WDR7: variants seen among roughly 807,000 people sequenced by gnomAD.
The protein encoded by WDR7 is WD repeat-containing protein 7.
WDR7 carries 46 observed loss-of-function variants against 169.4 expected under a neutral mutation model. The ratio of observed to expected loss-of-function variants is 0.27; its 90% CI spans 0.21 to 0.35. The LOEUF is 0.35. Among genes scored for constraint, WDR7 ranks in the 10% least tolerant of loss-of-function variants. The pLI, the probability that WDR7 is intolerant of heterozygous loss-of-function variation, is 1.00. For synonymous variants in WDR7, 612 were observed against 666.8 expected (o/e 0.92, Z 1.27); for missense variants, 1,534 against 1,859.3 (o/e 0.83, Z 3.22).
chr18:57,017,321 A>G (rs188037326), intron 26 of WDR7, among the ~76,000 whole-genome samples: 500 of 152,318 alleles, frequency 3.3e-3, no homozygotes, highest in South Asian at 0.02. Flanking sequence ...ACGAGACAGC[A>G]GGTCTGTCTG....
chr18:56,934,688 C>CTACA (rs2046934435), intron 22 of WDR7, among the ~76,000 whole-genome samples: 1 of 151,984 alleles, frequency 6.6e-6, no homozygotes, highest in Non-Finnish European at 1.5e-5. Flanking sequence ...TTATTTTCAG[C>CTACA]TACAAGTTAA....
At chr18:56,779,281 C>A in intron 17 of WDR7, 150 bp from the exon 18 acceptor site, 1 of 505,168 alleles carries the variant, frequency 2.0e-6, no homozygotes. Context: ...TAATTCTTTG[C>A]ACAAAGTGTC....
intron 21 of WDR7, among the ~76,000 whole-genome samples, chr18:56,887,106 G>A (rs796501308): frequency 1.6e-4 from 25 of 152,084 alleles, no homozygotes; most frequent in African/African-American, 5.8e-4. Flanking sequence ...AAAGAATTAG[G>A]GGAAAAAAGG....
At chr18:56,917,428 G>C (rs1001944899) in intron 21 of WDR7, among the ~76,000 whole-genome samples, 8 of 152,092 alleles carry the variant, frequency 5.3e-5, no homozygotes, top group African/African-American at 1.7e-4. Flanking sequence ...CCTATAACAG[G>C]CATTCAATAA....
chr18:56,880,209 C>T, intron 21 of WDR7, 44 bp downstream of exon 21: 1 of 1,560,528 alleles, frequency 6.4e-7, no homozygotes, highest in Non-Finnish European at 8.7e-7. Flanking sequence ...CTTCTGAATA[C>T]ATATTATTTG....
At chr18:56,676,378 T>A (rs963078761) in intron 2 of WDR7, among the ~76,000 whole-genome samples, 14 of 152,228 alleles carry the variant, frequency 9.2e-5, no homozygotes, top group African/African-American at 2.9e-4. Flanking sequence ...GTGTTATTAT[T>A]GATAAGTCCT....
intron 26 of WDR7, among the ~76,000 whole-genome samples, chr18:56,991,314 T>C (rs1204855867): frequency 1.3e-5 from 2 of 152,096 alleles, no homozygotes; most frequent in East Asian, 3.9e-4. Context: ...TCCCGGCTGA[T>C]TTTTTGTATT....
intron 25 of WDR7, among the ~76,000 whole-genome samples, chr18:56,946,675 T>C (rs1399965172): frequency 1.3e-5 from 2 of 152,138 alleles, no homozygotes; most frequent in Non-Finnish European, 2.9e-5. Flanking sequence ...GTTATGTATG[T>C]GTGTGTATGT....
intron 21 of WDR7, among the ~76,000 whole-genome samples, chr18:56,919,915 G>C (rs968249857): frequency 6.6e-6 from 1 of 152,044 alleles, no homozygotes; most frequent in Non-Finnish European, 1.5e-5. Context: ...TCTCTCCTTT[G>C]CTTAAAACTT....
downstream of WDR7, chr18:57,034,429 C>A (rs964840683): frequency 6.6e-6 from 1 of 152,062 alleles, no homozygotes; most frequent in Non-Finnish European, 1.5e-5. Context: ...ACCTCTCTCA[C>A]ACATAGTCTG....
chr18:56,980,419 C>G (rs1056254464), intron 26 of WDR7, among the ~76,000 whole-genome samples: 2 of 152,096 alleles, frequency 1.3e-5, no homozygotes, highest in Non-Finnish European at 2.9e-5. Flanking sequence ...AGGCTGAGCT[C>G]GTTCATCCAC....
intron 1 of WDR7, among the ~76,000 whole-genome samples, chr18:56,665,440 A>G (rs181862096): frequency 3.9e-4 from 60 of 152,270 alleles, no homozygotes; most frequent in African/African-American, 1.4e-3. Context: ...GAGAATTAGG[A>G]ATTCTACTCA....
intron 26 of WDR7, among the ~76,000 whole-genome samples, chr18:56,983,558 C>CAATAA (rs2047674120): frequency 1.3e-5 from 1 of 76,130 alleles, no homozygotes; most frequent in Non-Finnish European, 2.6e-5. Context: ...TTTCAATAAA[C>CAATAA]ACACACACAC....
intron 1 of WDR7, among the ~76,000 whole-genome samples, chr18:56,664,763 A>G (rs1225748272): frequency 6.6e-6 from 1 of 152,190 alleles, no homozygotes; most frequent in Non-Finnish European, 1.5e-5. Context: ...CTAGATTTAT[A>G]GATTTTATCC....
chr18:56,908,839 GT>G (rs2145592342), intron 21 of WDR7, among the ~76,000 whole-genome samples: 1 of 152,202 alleles, frequency 6.6e-6, no homozygotes. Context: ...TCATTGCACT[GT>G]TTTTTCTTAG....
chr18:56,731,042 T>C (rs1387568734), intron 13 of WDR7, among the ~76,000 whole-genome samples: 2 of 152,164 alleles, frequency 1.3e-5, no homozygotes, highest in Non-Finnish European at 2.9e-5. Context: ...GGTCAAATCA[T>C]AGATTTTAAT....
chr18:56,927,068 A>G (rs755954940), intron 22 of WDR7, among the ~76,000 whole-genome samples: 5 of 152,136 alleles, frequency 3.3e-5, no homozygotes, highest in Non-Finnish European at 7.4e-5. Flanking sequence ...GCTTTTTAAA[A>G]TTTCAGTTCA....
intron 21 of WDR7, among the ~76,000 whole-genome samples, chr18:56,916,044 G>T (rs1177746456): frequency 6.6e-6 from 1 of 152,200 alleles, no homozygotes; most frequent in Non-Finnish European, 1.5e-5. Flanking sequence ...GCTGGTTCTA[G>T]AAACTTCCTG....
chr18:56,894,204 C>T (rs2046301506), intron 21 of WDR7, among the ~76,000 whole-genome samples: 1 of 152,032 alleles, frequency 6.6e-6, no homozygotes. Flanking sequence ...GCGAAGGCTT[C>T]CTGCCTCACC....
Sources: allele counts gnomAD v4.1 joint callset (sites outside exome capture counted in the v4.1 genomes callset), GRCh38; gene constraint gnomAD v4.1.1; transcripts MANE v1.5; gene names NCBI Gene and HGNC (gene_info 2026-07-23, HGNC 2026-07-21).